Variants in ARID5B observed in about 807,000 individuals in gnomAD.
ARID5B encodes AT-rich interaction domain 5B.
Under a neutral mutation model 97.2 loss-of-function variants are expected in ARID5B, and 13 were observed. That is an observed-to-expected ratio of 0.13 (90% confidence interval 0.09 to 0.21). The LOEUF (loss-of-function observed/expected upper bound fraction) is 0.21. ARID5B is among the 10% of genes least tolerant of loss of function. The probability of loss-of-function intolerance (pLI) is 1.00; values close to 1 mark genes in which losing one functional copy is unlikely to be tolerated. For missense variants in ARID5B, 1,210 were observed against 1,465.3 expected, an observed-to-expected ratio of 0.83 and a Z score of 2.84; for synonymous variants, 556 against 570.3, an observed-to-expected ratio of 0.97 and a Z score of 0.36.
chr10:62,070,753 G>A (rs1353404603), intron 8 of ARID5B, among the ~76,000 whole-genome samples: 1 of 152,122 alleles, frequency 6.6e-6, no homozygotes, highest in Non-Finnish European at 1.5e-5. Context: ...ACTTGGCAGG[G>A]TTGTAATTCA....
At chr10:62,089,476 T>C (rs977481053) in intron 9 of ARID5B, among the ~76,000 whole-genome samples, 7 of 150,744 alleles carry the variant, frequency 4.6e-5, no homozygotes, top group Admixed American at 2.6e-4. Context: ...CCTGCCTGCC[T>C]TCCTTCCTTC....
intron 3 of ARID5B, among the ~76,000 whole-genome samples, chr10:61,958,377 C>A (rs576535366): frequency 6.6e-6 from 1 of 152,030 alleles, no homozygotes; most frequent in Admixed American, 6.6e-5. Flanking sequence ...TACAGGTGCC[C>A]GCCACCGCGC....
intron 3 of ARID5B, among the ~76,000 whole-genome samples, chr10:61,979,057 T>G (rs1838740158): frequency 6.6e-6 from 1 of 152,184 alleles, no homozygotes; most frequent in African/African-American, 2.4e-5. Flanking sequence ...CCAAAGGTAC[T>G]GAGTGTGAGA....
chr10:61,982,436 CGAG>C (rs1347775419), intron 3 of ARID5B, among the ~76,000 whole-genome samples: 8 of 151,940 alleles, frequency 5.3e-5, no homozygotes, highest in Non-Finnish European at 1.0e-4. Flanking sequence ...TAAGGGTTTG[CGAG>C]GAGGTCAAGG....
At chr10:62,024,769 T>G (rs1016849251) in intron 4 of ARID5B, 1 of 393,448 alleles carries the variant, frequency 2.5e-6, no homozygotes, top group African/African-American at 2.1e-5. Context: ...GGGTAGATAT[T>G]GATTGAGTTT....
intron 9 of ARID5B, 82 bp downstream of exon 9, chr10:62,085,982 G>A: frequency 2.1e-6 from 3 of 1,422,982 alleles, no homozygotes. Flanking sequence ...ATCCACAGCT[G>A]TGTCCCTGCA....
intron 5 of ARID5B, among the ~76,000 whole-genome samples, chr10:62,055,163 AGG>A (rs1442504643): frequency 6.6e-6 from 1 of 152,214 alleles, no homozygotes; most frequent in African/African-American, 2.4e-5. Context: ...GTAATAAGAT[AGG>A]CTTTTTAATT....
At chr10:61,935,031 T>C (rs567789569) in intron 2 of ARID5B, among the ~76,000 whole-genome samples, 1 of 148,774 alleles carries the variant, frequency 6.7e-6, no homozygotes, top group Admixed American at 6.7e-5. Flanking sequence ...AAAAAAAAGA[T>C]TACAGATCAA....
Position 62,090,948 on chromosome 10 carries a change from A to G in ARID5B, c.1485A>G (p.Lys495=). Residue 495 remains lysine, a synonymous_variant, in exon 10 of 10, where the codon AAA becomes AAG. Coordinates refer to ENST00000279873, the MANE Select transcript of ARID5B (RefSeq NM_032199.3). ...PEPLPAADMK[K]KIEGYQEFSA... ...CTCTCCCAGCAGCAGACATGAAGAAAAAAATAGAAGGGTATCAGGAATTTT... is the reference window on the plus strand; with the variant it reads ...CTCTCCCAGCAGCAGACATGAAGAAGAAAATAGAAGGGTATCAGGAATTTT... 1.2e-6 allele frequency: 2 copies of G among 1,614,162 alleles called. No homozygotes were observed. The highest frequency in any genetic ancestry group is 1.1e-5 in the South Asian group (1 of 91,078).
intron 2 of ARID5B, 118 bp downstream of exon 2, chr10:61,902,531 C>CTTT: frequency 7.1e-7 from 1 of 1,400,304 alleles, no homozygotes; most frequent in Non-Finnish European, 9.7e-7. Context: ...GGATCGACTC[C>CTTT]TTTTTTAAAG....
chr10:62,008,568 T>C (rs767333004), intron 4 of ARID5B, among the ~76,000 whole-genome samples: 1 of 152,224 alleles, frequency 6.6e-6, no homozygotes, highest in Non-Finnish European at 1.5e-5. Context: ...TGAAACCCAC[T>C]GGACTGGAAT....
intron 7 of ARID5B, among the ~76,000 whole-genome samples, chr10:62,064,794 C>T (rs898464062): frequency 2.6e-5 from 4 of 151,926 alleles, no homozygotes; most frequent in Non-Finnish European, 4.4e-5. Flanking sequence ...TTGTTTGAGG[C>T]GGAGTCCCTC....
intron 2 of ARID5B, among the ~76,000 whole-genome samples, chr10:61,932,215 A>G (rs1844222293): frequency 6.6e-6 from 1 of 152,186 alleles, no homozygotes; most frequent in Non-Finnish European, 1.5e-5. Context: ...ATGTCTAAAA[A>G]AAAAGTACAT....
intron 2 of ARID5B, among the ~76,000 whole-genome samples, chr10:61,910,843 C>T (rs771586747): frequency 2.0e-5 from 3 of 152,288 alleles, no homozygotes; most frequent in South Asian, 2.1e-4. Context: ...GGTTTAATTA[C>T]GCGAATTTTC....
Position 62,085,013 on chromosome 10 carries a change from A to G in ARID5B, c.1200-689A>G, listed in dbSNP as rs1054758413. Among the ~76,000 whole-genome samples, 4 of 152,152 alleles carry G rather than the reference A, an allele frequency of 2.6e-5. No individual in the cohort carries two copies. In the East Asian group the frequency reaches 5.8e-4, roughly 22 times the overall value. Reference sequence around the variant, plus strand: ...CCTCTCATTGACCTTTTTATCTTAGATGTTTCATCTCTATCTTGACATGAA... The same window carrying G: ...CCTCTCATTGACCTTTTTATCTTAGGTGTTTCATCTCTATCTTGACATGAA... On this transcript the variant is annotated intron_variant, in intron 8 of 9. Coordinates refer to ENST00000279873, the MANE Select transcript of ARID5B (RefSeq NM_032199.3).
At chr10:61,959,599 A>G (rs1838441606) in intron 3 of ARID5B, among the ~76,000 whole-genome samples, 2 of 152,234 alleles carry the variant, frequency 1.3e-5, no homozygotes. Context: ...AGAATTTTAT[A>G]TGTAAACACA....
At chr10:61,917,992 A>G (rs570623972) in intron 2 of ARID5B, among the ~76,000 whole-genome samples, 218 of 152,300 alleles carry the variant, frequency 1.4e-3, no homozygotes, top group African/African-American at 4.8e-3. Flanking sequence ...GATGAGGGTA[A>G]GAGATGAGAA....
intron 2 of ARID5B, among the ~76,000 whole-genome samples, chr10:61,929,313 T>C (rs893015574): frequency 3.9e-5 from 6 of 152,196 alleles, no homozygotes; most frequent in African/African-American, 1.4e-4. Context: ...GAGGTGAGTA[T>C]GCCATGCTTT....
chr10:61,906,628 G>A (rs1048201292), intron 2 of ARID5B, among the ~76,000 whole-genome samples: 2 of 152,162 alleles, frequency 1.3e-5, no homozygotes, highest in African/African-American at 4.8e-5. Flanking sequence ...ATACCTGGAT[G>A]TTACAGATTC....
Sources: allele counts gnomAD v4.1 joint callset (sites outside exome capture counted in the v4.1 genomes callset), GRCh38; gene constraint gnomAD v4.1.1; transcripts MANE v1.5; gene names NCBI Gene and HGNC (gene_info 2026-07-23, HGNC 2026-07-21).